The following SVIL variants were observed in gnomAD, a reference collection of about 807,000 sequenced individuals.
SVIL encodes the protein supervillin, also known as archvillin.
In SVIL, 101 loss-of-function variants were observed where a neutral mutation model predicts 240.4. The observed-to-expected ratio is 0.42, with a 90% CI of 0.36 to 0.50. SVIL has a LOEUF of 0.50. SVIL is among the 20% of genes least tolerant of loss of function. The pLI is 0.01. For synonymous variants in SVIL, 999 were observed against 1,100.0 expected (o/e 0.91, Z 1.82); for missense variants, 2,512 against 2,818.7 (o/e 0.89, Z 2.46).
chr10:29,668,581 C>T (rs2133053000), intron 2 of SVIL, among the ~76,000 whole-genome samples: 1 of 152,328 alleles, frequency 6.6e-6, no homozygotes, highest in East Asian at 1.9e-4. Context: ...TCAAGCAATT[C>T]TCCTGTCTCA....
At chr10:29,610,967 C>T (rs1367621108) in intron 1 of SVIL, among the ~76,000 whole-genome samples, 1 of 152,188 alleles carries the variant, frequency 6.6e-6, no homozygotes, top group Non-Finnish European at 1.5e-5. Flanking sequence ...TAACTGTGTT[C>T]AGCTCACTTT....
chr10:29,610,196 A>G (rs1404509607), intron 1 of SVIL, among the ~76,000 whole-genome samples: 1 of 151,978 alleles, frequency 6.6e-6, no homozygotes, highest in Non-Finnish European at 1.5e-5. Context: ...AACCTGGGCA[A>G]TTCTTCCCTC....
Position 29,629,543 on chromosome 10 carries a change from C to A in SVIL, c.-201+4877G>T, listed in dbSNP as rs1363967586. On this transcript the variant is annotated intron_variant, in intron 1 of 37. Transcript: ENST00000355867. Reference sequence around the variant, plus strand: ...AAAGCAGCGGTTATGAATACAGGCACTGAAGTCAACTAGATCTGGGTTCAA... The same window carrying A: ...AAAGCAGCGGTTATGAATACAGGCAATGAAGTCAACTAGATCTGGGTTCAA... Among the ~76,000 whole-genome samples, 4 of 152,122 alleles carry A rather than the reference C, an allele frequency of 2.6e-5. 1 individual carries two copies. Among genetic ancestry groups the A allele is most frequent in the Non-Finnish European group, 5.9e-5 (4 of 68,030 alleles).
At chr10:29,696,842 C>T (rs934924641) in intron 1 of SVIL, among the ~76,000 whole-genome samples, 2 of 149,116 alleles carry the variant, frequency 1.3e-5, no homozygotes, top group Non-Finnish European at 3.0e-5. Context: ...CCCCGCCCGG[C>T]CAACCGCCCT....
chr10:29,471,234 G>T lies in SVIL; in HGVS notation c.5539C>A (p.Leu1847Ile). 6.2e-7 allele frequency: 1 copy of T among 1,610,820 alleles called. No homozygotes were observed. The highest frequency in any genetic ancestry group is 8.5e-7 in the Non-Finnish European group (1 of 1,177,466). Residue 1847 changes from leucine to isoleucine, a missense_variant, in exon 31 of 38, where the codon CTC becomes ATC. Leu to Ile is a conservative substitution (Grantham distance 5). This residue lies in a region of SVIL where 797 missense variants were observed against 925.3 expected (regional missense o/e 0.86). Coordinates refer to ENST00000355867, the MANE Select transcript of SVIL (RefSeq NM_021738.3). ...AAACAGGGGGGCTCCTTTCCCTGGAGAACCTGGACCTTCCGATTTAAACAG... is the reference window on the plus strand; with the variant it reads ...AAACAGGGGGGCTCCTTTCCCTGGATAACCTGGACCTTCCGATTTAAACAG... ...DEERGAQVQVLQGKEPPCFLQ... is the reference protein window; with the variant it reads ...DEERGAQVQVIQGKEPPCFLQ...
At chr10:29,463,151 A>G (rs1274389328) in intron 35 of SVIL, among the ~76,000 whole-genome samples, 1 of 152,192 alleles carries the variant, frequency 6.6e-6, no homozygotes, top group Non-Finnish European at 1.5e-5. Flanking sequence ...GCAGAGGCCA[A>G]CTTGTCTCTC....
intron 6 of SVIL, among the ~76,000 whole-genome samples, chr10:29,543,452 A>C (rs1260285198): frequency 6.6e-6 from 1 of 152,266 alleles, no homozygotes; most frequent in Non-Finnish European, 1.5e-5. Flanking sequence ...AGTCATATAA[A>C]GAACTTGCTG....
chr10:29,577,323 C>A (rs1203263991), intron 1 of SVIL, among the ~76,000 whole-genome samples: 1 of 152,042 alleles, frequency 6.6e-6, no homozygotes, highest in African/African-American at 2.4e-5. Context: ...GTCTTTTATC[C>A]CTCACTCCTC....
chr10:29,463,222 C>A (rs111372818), intron 35 of SVIL, among the ~76,000 whole-genome samples: 1 of 152,188 alleles, frequency 6.6e-6, no homozygotes, highest in Non-Finnish European at 1.5e-5. Flanking sequence ...CACAATACAG[C>A]CTTTATCCTT....
chr10:29,515,975 C>T (rs112852860), intron 16 of SVIL, among the ~76,000 whole-genome samples: 2 of 151,196 alleles, frequency 1.3e-5, no homozygotes, highest in African/African-American at 2.4e-5. Context: ...GGACAAGGAA[C>T]GTGGGTACAT....
intron 20 of SVIL, among the ~76,000 whole-genome samples, chr10:29,493,912 C>G (rs56339029): frequency 0.14 from 21,122 of 152,128 alleles, 1,704 homozygotes; most frequent in East Asian, 0.31. Context: ...TGGTGGCTTA[C>G]GCTTATAATC....
chr10:29,672,057 C>A (rs971735398), intron 2 of SVIL, among the ~76,000 whole-genome samples: 2 of 152,202 alleles, frequency 1.3e-5, no homozygotes, highest in African/African-American at 4.8e-5. Context: ...AACCTATAGG[C>A]TCCCTCTCCA....
intron 3 of SVIL, among the ~76,000 whole-genome samples, chr10:29,558,068 T>C (rs1478880152): frequency 6.6e-6 from 1 of 152,226 alleles, no homozygotes; most frequent in Non-Finnish European, 1.5e-5. Context: ...TTGAGAACCA[T>C]TGAGAATCAC....
At chr10:29,467,670 A>G (rs1945079386) in intron 33 of SVIL, 72 bp downstream of exon 33, 2 of 1,587,648 alleles carry the variant, frequency 1.3e-6, no homozygotes, top group South Asian at 2.3e-5. Context: ...TCCAGCCTGG[A>G]TAACAGAGCA....
At chr10:29,651,914 ATTT>A (rs2133012883) in intron 3 of SVIL, among the ~76,000 whole-genome samples, 1 of 152,194 alleles carries the variant, frequency 6.6e-6, no homozygotes, top group African/African-American at 2.4e-5. Context: ...CAAGACCAAA[ATTT>A]AGAGGTCATT....
intron 1 of SVIL, among the ~76,000 whole-genome samples, chr10:29,618,530 G>GCCCA (rs1347314399): frequency 6.6e-6 from 1 of 152,036 alleles, no homozygotes; most frequent in East Asian, 1.9e-4. Flanking sequence ...ACCATGCCTG[G>GCCCA]CCCAGCCTGG....
intron 22 of SVIL, among the ~76,000 whole-genome samples, chr10:29,489,626 C>A (rs1947759385): frequency 6.6e-6 from 1 of 152,150 alleles, no homozygotes; most frequent in Admixed American, 6.5e-5. Context: ...TGGCTCACTG[C>A]AGCCTTGACC....
In SVIL at chr10:29,483,151, T is replaced by C. The variant is rs1947065842; in HGVS notation, c.4956-1423A>G. 2.0e-5 allele frequency: 3 copies of C among 152,398 alleles called. No individual in the cohort carries two copies. The South Asian group carries it at 6.2e-4, about 32-fold the overall frequency. The allele number at this position is 152,398 out of a possible 1,614,324, so 9.4% of individuals were successfully genotyped here. A position where few individuals can be genotyped will look rare whatever the true frequency, so the allele number is the denominator to read the frequency against. ...AAAATATCTGAATGACTGTTTGTTA[T>C]GTCAGTCCTACTCTGCAGGCTTGCT... is the stretch of plus-strand genomic sequence containing the variant. On this transcript the variant is annotated intron_variant, in intron 27 of 37. Coordinates refer to ENST00000355867, the MANE Select transcript of SVIL (RefSeq NM_021738.3).
chr10:29,550,019 T>TAAAA (rs11339067), intron 6 of SVIL, among the ~76,000 whole-genome samples: 1 of 70,248 alleles, frequency 1.4e-5, no homozygotes, highest in African/African-American at 5.3e-5. Context: ...ACTTAAAGTA[T>TAAAA]AAAAAAAAAA....
Sources: allele counts gnomAD v4.1 joint callset (sites outside exome capture counted in the v4.1 genomes callset), GRCh38; gene constraint gnomAD v4.1.1; regional missense constraint gnomAD v4.1.1; transcripts MANE v1.5; gene names NCBI Gene and HGNC (gene_info 2026-07-23, HGNC 2026-07-21).